DNAH1: variants seen among roughly 807,000 people sequenced by gnomAD.
DNAH1 encodes the protein axonemal beta dynein heavy chain 1.
A neutral mutation model predicts 484.3 loss-of-function variants in DNAH1; 327 were observed. The observed-to-expected ratio is 0.68, with a 90% CI of 0.62 to 0.74. The LOEUF (loss-of-function observed/expected upper bound fraction) is 0.74, where lower values mean the gene tolerates loss of function less well. Ranked by LOEUF, DNAH1 falls within the 30% of genes least tolerant of loss-of-function variation. DNAH1 has a pLI of 0.00. For missense variants in DNAH1, 5,052 were observed against 5,546.8 expected (o/e 0.91, Z 2.83); for synonymous variants, 2,192 against 2,191.9 (o/e 1.00, Z 0.00).
At position 52,398,064 on chromosome 3, in the gene DNAH1, C is replaced by T; in HGVS notation, c.11991C>T (p.Leu3997=). 6.2e-7 allele frequency: 1 copy of T among 1,613,896 alleles called. No individual in the cohort carries two copies. Among genetic ancestry groups the T allele is most frequent in the Non-Finnish European group, 8.5e-7 (1 of 1,179,868 alleles). The change falls in exon 75 of 78, where the codon CTC becomes CTT. Residue 3997 remains leucine, a synonymous_variant. Coordinates refer to ENST00000420323, the MANE Select transcript of DNAH1 (RefSeq NM_015512.5). The part of the protein sequence containing the change: ...IVEDVTQNIL[L]KVPEPINLQW... ...AGGACGTCACCCAAAACATTCTGCT[C>T]AAGGTGCCTGAGCCTATCAACTTGC...
rs117356491 is a variant in DNAH1, at chr3:52,367,289, G to A, written c.5765+402G>A. Among the ~76,000 whole-genome samples the A allele has an allele frequency of 1.8e-3, 268 of 152,198 alleles. 7 individuals are homozygous for A. In the East Asian group the frequency reaches 0.046, roughly 26 times the overall value. ...GCTGGATGGAGACTGCTGAGACGTC[G>A]GCACCTCAGGGGCTTTTCTCTAAGG... On this transcript the variant is annotated intron_variant, in intron 36 of 77. Transcript: ENST00000420323.
chr3:52,337,325 A>T (rs1432419026), intron 8 of DNAH1, among the ~76,000 whole-genome samples: 1 of 152,098 alleles, frequency 6.6e-6, no homozygotes, highest in Non-Finnish European at 1.5e-5. Context: ...AGGCCTTTTG[A>T]TGGAGTTCTA....
In DNAH1 at chr3:52,397,939, A is replaced by T. The variant is rs1314857566; in HGVS notation, c.11958+62A>T. 2.5e-6 allele frequency: 4 copies of T among 1,573,848 alleles called. No individual in the cohort carries two copies. The African/African-American group carries it at 5.4e-5, about 21-fold the overall frequency. On this transcript the variant is annotated intron_variant, in intron 74 of 77. Coordinates refer to ENST00000420323, the MANE Select transcript of DNAH1 (RefSeq NM_015512.5). ...CGGGCTGGGCTTCACCATCCTGCCC[A>T]CTCCCCTGTGGGAAGGACCCCTATG...
In DNAH1 at chr3:52,347,840, C is replaced by T. The variant is rs1413709374; in HGVS notation, c.1972C>T (p.Leu658=). 7 of 1,594,494 alleles carry T rather than the reference C, an allele frequency of 4.4e-6. No individual in the cohort carries two copies. In the East Asian group the frequency reaches 6.8e-5, roughly 16 times the overall value. ...NSPYRPRKNP[L]FIMDLVLDSS... is the part of the protein sequence containing the mutation. ...TGCCTGCAGGCCCCGGAAGAATCCC[C>T]TGTTCATCATGGACCTGGTGCTGGA... The change falls in exon 12 of 78, where the codon CTG becomes TTG. Residue 658 remains leucine (L), a synonymous_variant. Transcript: ENST00000420323.
Position 52,359,924 on chromosome 3 carries a change from T to C in DNAH1, c.4416T>C (p.Asp1472=). Residue 1472 remains aspartate, a synonymous_variant, in exon 27 of 78, where the codon GAT becomes GAC. Coordinates refer to ENST00000420323, the MANE Select transcript of DNAH1 (RefSeq NM_015512.5). ...GCACCCCATTTCTGCAGCTCAGTGA[T>C]CTGGTGGCCCTTGTGCGGGGGAAGC... is the stretch of plus-strand genomic sequence containing the variant. ...LFPQLCQQLS[D]LVALVRGKLS... 6.2e-7 allele frequency: 1 copy of C among 1,613,736 alleles called. No homozygotes were observed. Among genetic ancestry groups the C allele is most frequent in the Non-Finnish European group, 8.5e-7 (1 of 1,179,850 alleles).
In DNAH1 at chr3:52,355,210, T is replaced by C. The variant is rs114959698; in HGVS notation, c.3693+155T>C. Among the ~76,000 whole-genome samples the C allele has an allele frequency of 0.023, 3,529 of 152,302 alleles. 139 individuals carry two copies. Among genetic ancestry groups the C allele is most frequent in the African/African-American group, 0.079 (3,294 of 41,552 alleles). On this transcript the variant is annotated intron_variant, in intron 21 of 77. Coordinates refer to ENST00000420323, the MANE Select transcript of DNAH1 (RefSeq NM_015512.5). This position sits in a 1 kb window ranked among gnomAD's most constrained non-coding sequence, Gnocchi z 4.5. ...GGCTCTCTGGCAGGCCCCGCCCTACTGCATTCAGAGGAGGGCAACTAGGAT... is the reference window on the plus strand; with the variant it reads ...GGCTCTCTGGCAGGCCCCGCCCTACCGCATTCAGAGGAGGGCAACTAGGAT...
rs1174268529 is a variant in DNAH1, at chr3:52,391,168, T to G, written c.9742-11T>G. 6.2e-7 allele frequency: 1 copy of G among 1,613,622 alleles called. No homozygotes were observed. On this transcript the variant is annotated splice_polypyrimidine_tract_variant and intron_variant, in intron 61 of 77. Transcript: ENST00000420323. ...GTCCCTGCAACCCCTTCTTTTCCCC[T>G]TCCCTTACAGGAGAAGGACAATGGG...
Position 52,357,634 on chromosome 3 carries a change from C to T in DNAH1, c.3879C>T (p.Asp1293=), listed in dbSNP as rs769083650. Residue 1293 remains aspartate (D), a synonymous_variant, in exon 23 of 78, where the codon GAC becomes GAT. Coordinates refer to ENST00000420323, the MANE Select transcript of DNAH1 (RefSeq NM_015512.5). ...ENREVINVCS[D]LRMLDSLRDC... Reference sequence around the variant, plus strand: ...TGCAGGTGATCAATGTGTGTTCCGACCTGAGAATGCTGGACAGCCTGCGGG... The same window carrying T: ...TGCAGGTGATCAATGTGTGTTCCGATCTGAGAATGCTGGACAGCCTGCGGG... 1.2e-6 allele frequency: 2 copies of T among 1,600,794 alleles called. No homozygotes were observed. Among genetic ancestry groups the T allele is most frequent in the Admixed American group, 1.7e-5 (1 of 58,416 alleles).
chr3:52,376,105 A>T, intron 46 of DNAH1, 112 bp downstream of exon 46: 3 of 1,368,014 alleles, frequency 2.2e-6, no homozygotes, highest in East Asian at 2.4e-5. Context: ...CCTCAGGTTC[A>T]TGCAGGGACC....
intron 14 of DNAH1, among the ~76,000 whole-genome samples, chr3:52,349,776 G>T (rs1235340486): frequency 1.3e-5 from 2 of 152,228 alleles, no homozygotes; most frequent in African/African-American, 2.4e-5. Context: ...GGCTGGAAGG[G>T]TGAGGTGTGC....
chr3:52,312,863 AG>A (rs1311972221), upstream of DNAH1, among the ~76,000 whole-genome samples: 1 of 151,952 alleles, frequency 6.6e-6, no homozygotes, highest in Non-Finnish European at 1.5e-5. Flanking sequence ...TGTGTTAGCC[AG>A]GATGGTCTCG....
intron 1 of DNAH1, 37 bp from the exon 2 acceptor site, chr3:52,322,372 C>T: frequency 6.9e-7 from 1 of 1,449,298 alleles, no homozygotes; most frequent in Non-Finnish European, 9.3e-7. Context: ...AAGACAGAGG[C>T]TGGCAAGGGC....
upstream of DNAH1, among the ~76,000 whole-genome samples, chr3:52,315,365 C>T (rs1700915254): frequency 6.6e-6 from 1 of 152,252 alleles, no homozygotes. Flanking sequence ...TTCTGCTGCC[C>T]ATTCACAAGG....
At chr3:52,312,407 A>T (rs747796332), upstream of DNAH1, among the ~76,000 whole-genome samples, 2 of 151,422 alleles carry the variant, frequency 1.3e-5, no homozygotes. Flanking sequence ...AGGTTTGGAG[A>T]TGACATTTTC....
chr3:52,356,463 C>G, intron 21 of DNAH1, 151 bp from the exon 22 acceptor site: 1 of 734,458 alleles, frequency 1.4e-6, no homozygotes, highest in Non-Finnish European at 2.2e-6. Flanking sequence ...GATGACAGCA[C>G]CATCTAGAAA....
At position 52,332,289 on chromosome 3, in the gene DNAH1, A is replaced by C; in HGVS notation, c.1181A>C (p.Tyr394Ser). The C allele has an allele frequency of 1.2e-6, 2 of 1,614,058 alleles. No homozygotes were observed. Among genetic ancestry groups the C allele is most frequent in the Non-Finnish European group, 1.7e-6 (2 of 1,179,906 alleles). ...NTEALLLYNL[Y>S]VDCMPSDGQH... ...GAAGCACTGCTGCTCTACAACTTGTATGTGGACTGCATGCCCTCTGACGGC... is the reference window on the plus strand; with the variant it reads ...GAAGCACTGCTGCTCTACAACTTGTCTGTGGACTGCATGCCCTCTGACGGC... The change falls in exon 8 of 78, where the codon TAT becomes TCT. Residue 394 changes from tyrosine to serine, a missense_variant. Tyr to Ser is a moderately radical substitution (Grantham distance 144). Coordinates refer to ENST00000420323, the MANE Select transcript of DNAH1 (RefSeq NM_015512.5).
chr3:52,370,579 AGCAGTG>A lies in DNAH1; in HGVS notation c.6364_6369del (p.Ser2122_Gly2123del). 1 of 1,613,604 alleles carries A rather than the reference AGCAGTG, an allele frequency of 6.2e-7. No homozygotes were observed. Among genetic ancestry groups the A allele is most frequent in the Non-Finnish European group, 8.5e-7 (1 of 1,179,740 alleles). ...CTGGAGCGTGGGTGCCACTGGGGACAGCAGTGGCCGCACCAGTTTCAGCCACTGGCT... is the reference window on the plus strand; with the variant it reads ...CTGGAGCGTGGGTGCCACTGGGGACAGCCGCACCAGTTTCAGCCACTGGCT... On this transcript the variant is annotated inframe_deletion, in exon 40 of 78. Transcript: ENST00000420323.
At chr3:52,344,353 G>A (rs1355914891) in intron 8 of DNAH1, 137 bp from the exon 9 acceptor site, 3 of 1,040,748 alleles carry the variant, frequency 2.9e-6, no homozygotes, top group South Asian at 1.8e-5. Flanking sequence ...AGGGCCGGGT[G>A]GGGGTGTGCC....
chr3:52,364,616 G>A lies in DNAH1; in HGVS notation c.5245-22G>A. 1 of 1,613,542 alleles carries A rather than the reference G, an allele frequency of 6.2e-7. No individual in the cohort carries two copies. Among genetic ancestry groups the A allele is most frequent in the Non-Finnish European group, 8.5e-7 (1 of 1,179,566 alleles). ...TTGGAGAGGGACAGTGCTCACCCAT[G>A]CCTCCTTCTGTATGGCGACAGGATC... is the stretch of plus-strand genomic sequence containing the variant. On this transcript the variant is annotated intron_variant, in intron 32 of 77. Transcript: ENST00000420323. This position sits in a 1 kb window ranked among gnomAD's most constrained non-coding sequence, Gnocchi z 4.2.
Sources: allele counts gnomAD v4.1 joint callset (sites outside exome capture counted in the v4.1 genomes callset), GRCh38; gene constraint gnomAD v4.1.1; non-coding constraint Gnocchi (gnomAD v3.1); transcripts MANE v1.5; gene names NCBI Gene and HGNC (gene_info 2026-07-23, HGNC 2026-07-21).